The following FABP12 variants were observed in gnomAD, a reference collection of about 807,000 sequenced individuals.
FABP12 encodes fatty acid-binding protein 12.
FABP12 carries 19 observed loss-of-function variants against 13.7 expected under a neutral mutation model. The observed-to-expected ratio is 1.39, with a 90% CI of 0.97 to 2.04. The LOEUF is 2.04. Ranked by LOEUF, FABP12 falls within the 30% of genes most tolerant of loss-of-function variation. The pLI, the probability that FABP12 is intolerant of heterozygous loss-of-function variation, is 0.00. For synonymous variants in FABP12, 61 were observed against 57.0 expected, an observed-to-expected ratio of 1.07 and a Z score of -0.32; for missense variants, 182 against 164.2, an observed-to-expected ratio of 1.11 and a Z score of -0.59.
chr8:81,588,976 G>A (rs2130117748), intron 1 of FABP12, among the ~76,000 whole-genome samples: 1 of 152,308 alleles, frequency 6.6e-6, no homozygotes, highest in East Asian at 1.9e-4. Context: ...TGGAGCCACA[G>A]CCCATCCCTA....
At chr8:81,550,938 G>A (rs953845748) in intron 1 of FABP12, among the ~76,000 whole-genome samples, 3 of 152,164 alleles carry the variant, frequency 2.0e-5, no homozygotes, top group African/African-American at 7.2e-5. Flanking sequence ...TGTATGGCCA[G>A]ACAACTCTAT....
chr8:81,544,958 T>G (rs1305547856), intron 1 of FABP12, among the ~76,000 whole-genome samples: 1 of 152,272 alleles, frequency 6.6e-6, no homozygotes, highest in South Asian at 2.1e-4. Context: ...AGGAAGAGAT[T>G]TTATGGCCAA....
At position 81,578,823 on chromosome 8, in the gene FABP12, G is replaced by GTTTT. The variant is rs763089399; in HGVS notation, c.-185+11226_-185+11229dup. 1.9e-5 allele frequency among the ~76,000 whole-genome samples: 2 copies of GTTTT among 105,668 alleles called. 1 individual carries two copies. Among genetic ancestry groups the GTTTT allele is most frequent in the Non-Finnish European group, 3.5e-5 (2 of 56,850 alleles). The allele number at this position is 105,668 out of a possible 152,430, so 69.3% of individuals were successfully genotyped here. ...TACAGAATCTGACACATTTGTTCAA[G>GTTTT]TTTTTTTTTTTTTTTTTTTGAGAAG... On this transcript the variant is annotated intron_variant, in intron 1 of 5. Coordinates refer to the FABP12 transcript ENST00000692030.
At chr8:81,575,466 G>A (rs1381971117) in intron 1 of FABP12, among the ~76,000 whole-genome samples, 3 of 152,140 alleles carry the variant, frequency 2.0e-5, no homozygotes, top group African/African-American at 4.8e-5. Context: ...TACCTGTTAG[G>A]TCCATTTGTT....
At chr8:81,569,248 C>T (rs994839497) in intron 1 of FABP12, among the ~76,000 whole-genome samples, 3 of 152,118 alleles carry the variant, frequency 2.0e-5, no homozygotes, top group Non-Finnish European at 4.4e-5. Flanking sequence ...TATATACCCA[C>T]ATAAAAATTT....
intron 1 of FABP12, among the ~76,000 whole-genome samples, chr8:81,546,350 A>G (rs1809433654): frequency 6.6e-6 from 1 of 152,118 alleles, no homozygotes; most frequent in African/African-American, 2.4e-5. Context: ...AATCTTAACT[A>G]TTGTGTCATA....
At chr8:81,588,859 T>C (rs1224983331) in intron 1 of FABP12, among the ~76,000 whole-genome samples, 2 of 152,352 alleles carry the variant, frequency 1.3e-5, no homozygotes, top group African/African-American at 2.4e-5. Flanking sequence ...AGTCATCAGA[T>C]GAAAGCCATA....
chr8:81,540,155 A>G (rs1416161936), intron 1 of FABP12, among the ~76,000 whole-genome samples: 1 of 152,224 alleles, frequency 6.6e-6, no homozygotes, highest in Non-Finnish European at 1.5e-5. Flanking sequence ...CGGCATCACC[A>G]TCACCAAAGA....
At chr8:81,575,921 C>A (rs1810037332) in intron 1 of FABP12, among the ~76,000 whole-genome samples, 1 of 152,126 alleles carries the variant, frequency 6.6e-6, no homozygotes, top group Non-Finnish European at 1.5e-5. Flanking sequence ...ACTCCCCAAA[C>A]CCCTGTGTAT....
intron 1 of FABP12, among the ~76,000 whole-genome samples, chr8:81,553,656 G>T (rs570998433): frequency 6.6e-6 from 1 of 152,144 alleles, no homozygotes; most frequent in Admixed American, 6.5e-5. Context: ...AGAGTTTCTA[G>T]CTCGCAGTTC....
At chr8:81,532,206 G>A (rs1361766565) in intron 1 of FABP12, among the ~76,000 whole-genome samples, 1 of 152,204 alleles carries the variant, frequency 6.6e-6, no homozygotes, top group East Asian at 1.9e-4. Context: ...CAAATGCTAA[G>A]TAAAGGACAA....
At chr8:81,575,003 T>A (rs1381903826) in intron 1 of FABP12, among the ~76,000 whole-genome samples, 9 of 152,014 alleles carry the variant, frequency 5.9e-5, no homozygotes, top group Admixed American at 3.9e-4. Flanking sequence ...TTGGGTTTGG[T>A]TTGTTGTTCC....
At chr8:81,528,413 A>C (rs1808966539) in intron 3 of FABP12, among the ~76,000 whole-genome samples, 1 of 152,198 alleles carries the variant, frequency 6.6e-6, no homozygotes, top group Admixed American at 6.5e-5. Flanking sequence ...TTAAGAATTT[A>C]GCATAGAAAT....
At chr8:81,572,013 A>G (rs986058697) in intron 1 of FABP12, among the ~76,000 whole-genome samples, 1 of 152,094 alleles carries the variant, frequency 6.6e-6, no homozygotes, top group Non-Finnish European at 1.5e-5. Flanking sequence ...TTACATGACT[A>G]AATTCCTTAG....
At chr8:81,576,361 C>A (rs115131511) in intron 1 of FABP12, among the ~76,000 whole-genome samples, 2,645 of 152,112 alleles carry the variant, frequency 0.017, 58 homozygotes, top group African/African-American at 0.058. Context: ...TTTCACACAA[C>A]TAAAAATGCA....
At chr8:81,580,529 C>G (rs1398053137) in intron 1 of FABP12, among the ~76,000 whole-genome samples, 1 of 148,026 alleles carries the variant, frequency 6.8e-6, no homozygotes, top group Non-Finnish European at 1.5e-5. Context: ...AACAGACATT[C>G]AATATGTTGG....
chr8:81,581,868 G>GA (rs1460892265), intron 1 of FABP12, among the ~76,000 whole-genome samples: 1 of 151,914 alleles, frequency 6.6e-6, no homozygotes, highest in Non-Finnish European at 1.5e-5. Context: ...CTACCATCAT[G>GA]AAAACACACA....
chr8:81,525,154 A>G (rs1563539959), intron 4 of FABP12, 34 bp from the exon 5 acceptor site: 1 of 1,328,970 alleles, frequency 7.5e-7, no homozygotes, highest in East Asian at 2.4e-5. Flanking sequence ...GTATTTCAGT[A>G]TAGTTAGTGA....
chr8:81,529,946 A>C (rs887153946), intron 2 of FABP12, among the ~76,000 whole-genome samples: 1 of 152,234 alleles, frequency 6.6e-6, no homozygotes, highest in African/African-American at 2.4e-5. Flanking sequence ...GATTAAAGCT[A>C]TCAACTATCT....
Sources: gnomAD v4.1 joint callset for allele counts (sites outside exome capture counted in the v4.1 genomes callset) on GRCh38, gnomAD v4.1.1 for gene constraint, MANE v1.5 for transcripts, NCBI Gene and HGNC (gene_info 2026-07-23, HGNC 2026-07-21) for gene names.